Variants in ZMAT4 observed in about 807,000 individuals in gnomAD.
The protein encoded by ZMAT4 is zinc finger matrin-type protein 4.
Under a neutral mutation model 28.7 loss-of-function variants are expected in ZMAT4, and 17 were observed. The ratio of observed to expected loss-of-function variants is 0.59; its 90% CI spans 0.41 to 0.89. The LOEUF (loss-of-function observed/expected upper bound fraction) is 0.89, where lower values mean the gene tolerates loss of function less well. Ranked by LOEUF, ZMAT4 falls within the 40% of genes least tolerant of loss-of-function variation. The pLI, the probability that ZMAT4 is intolerant of heterozygous loss-of-function variation, is 0.00. For synonymous variants in ZMAT4, 117 were observed against 109.2 expected (o/e 1.07, Z -0.44); for missense variants, 240 against 283.8 (o/e 0.85, Z 1.11).
rs144551026 is a variant in ZMAT4 at position 40,891,881 on chromosome 8, C to T, written c.-5+5802G>A. On this transcript the variant is annotated intron_variant, in intron 1 of 6. Transcript: ENST00000297737. ...TCTTCTTTCTTCTCAGGGCTACACACAGAATGGTTTTATTTTGTGGTGCTC... is the reference window on the plus strand; with the variant it reads ...TCTTCTTTCTTCTCAGGGCTACACATAGAATGGTTTTATTTTGTGGTGCTC... Among the ~76,000 whole-genome samples, 9 of 152,338 alleles carry T rather than the reference C, an allele frequency of 5.9e-5. No homozygotes were observed. In the East Asian group the frequency reaches 1.7e-3, roughly 30 times the overall value.
chr8:40,654,373 C>T (rs1435261098), intron 5 of ZMAT4, among the ~76,000 whole-genome samples: 1 of 152,116 alleles, frequency 6.6e-6, no homozygotes, highest in Non-Finnish European at 1.5e-5. Context: ...GCATACAAGC[C>T]TATCAAAGCA....
Position 40,636,501 on chromosome 8 carries a change from A to G in ZMAT4, c.577+38203T>C, listed in dbSNP as rs1053773154. On this transcript the variant is annotated intron_variant, in intron 5 of 6. Transcript: ENST00000297737. ...TTGGTGTTCAGAAGGTCAGCTTCAA[A>G]TGCCTCCACATTTCTACAGCTGCTT... is the stretch of plus-strand genomic sequence containing the variant. Among the ~76,000 whole-genome samples, 4 of 152,324 alleles carry G rather than the reference A, an allele frequency of 2.6e-5. No homozygotes were observed. The East Asian group carries it at 7.7e-4, about 29-fold the overall frequency.
intron 5 of ZMAT4, among the ~76,000 whole-genome samples, chr8:40,630,131 C>T (rs1313635489): frequency 6.6e-6 from 1 of 152,218 alleles, no homozygotes; most frequent in Non-Finnish European, 1.5e-5. Context: ...CAACCCTCAA[C>T]AGTATTTATC....
intron 1 of ZMAT4, among the ~76,000 whole-genome samples, chr8:40,873,236 A>C (rs1030294509): frequency 6.6e-6 from 1 of 152,244 alleles, no homozygotes; most frequent in Non-Finnish European, 1.5e-5. Context: ...TGCACAGAAA[A>C]GATAATGCTA....
At chr8:40,896,001 A>C (rs1818860031) in intron 1 of ZMAT4, among the ~76,000 whole-genome samples, 1 of 152,222 alleles carries the variant, frequency 6.6e-6, no homozygotes, top group East Asian at 1.9e-4. Flanking sequence ...GCAGGGCTGC[A>C]AAATTGTTTT....
intron 2 of ZMAT4, among the ~76,000 whole-genome samples, chr8:40,773,436 G>A (rs1563474608): frequency 6.6e-6 from 1 of 152,010 alleles, no homozygotes; most frequent in African/African-American, 2.4e-5. Context: ...AAGATCCAAG[G>A]CCAATCACAC....
chr8:40,878,950 G>A (rs1818131792), intron 1 of ZMAT4, among the ~76,000 whole-genome samples: 2 of 152,210 alleles, frequency 1.3e-5, no homozygotes, highest in African/African-American at 2.4e-5. Flanking sequence ...AAAGAAGAGA[G>A]GGCAGCTGAT....
intron 5 of ZMAT4, among the ~76,000 whole-genome samples, chr8:40,633,383 A>G (rs1387430017): frequency 6.6e-6 from 1 of 152,194 alleles, no homozygotes; most frequent in Non-Finnish European, 1.5e-5. Context: ...TGGGAAAGTG[A>G]CACATGCGAT....
chr8:40,711,352 G>A (rs1309448117), intron 3 of ZMAT4, among the ~76,000 whole-genome samples: 3 of 152,158 alleles, frequency 2.0e-5, no homozygotes, highest in African/African-American at 7.2e-5. Flanking sequence ...AATGGATCTA[G>A]GCATTGGGCA....
intron 1 of ZMAT4, among the ~76,000 whole-genome samples, chr8:40,872,786 G>A (rs1817908896): frequency 6.6e-6 from 1 of 152,144 alleles, no homozygotes; most frequent in Admixed American, 6.5e-5. Flanking sequence ...ATTGGGGTAG[G>A]GGGTGGAGGG....
At chr8:40,816,978 G>C (rs1447622336) in intron 2 of ZMAT4, among the ~76,000 whole-genome samples, 2 of 152,170 alleles carry the variant, frequency 1.3e-5, no homozygotes, top group Non-Finnish European at 2.9e-5. Context: ...AAACTTCTCA[G>C]TTGAGCATGT....
At position 40,878,175 on chromosome 8, in the gene ZMAT4, T is replaced by A. The variant is rs867466935; in HGVS notation, c.-5+19508A>T. On this transcript the variant is annotated intron_variant, in intron 1 of 6. Transcript: ENST00000297737. ...CCTCCAAGTGGCCAGTGGTCAACCG[T>A]CAATCATGAAAGCCAGTATCATTGA... Among the ~76,000 whole-genome samples the A allele has an allele frequency of 8.5e-5, 13 of 152,180 alleles. No individual in the cohort carries two copies. In the South Asian group the frequency reaches 1.2e-3, roughly 15 times the overall value.
At chr8:40,624,605 G>A (rs1806306582) in intron 5 of ZMAT4, among the ~76,000 whole-genome samples, 2 of 152,176 alleles carry the variant, frequency 1.3e-5, no homozygotes, top group Non-Finnish European at 2.9e-5. Context: ...TTAAATAAAG[G>A]AATATTTTGT....
chr8:40,873,781 CT>C (rs1312466194), intron 1 of ZMAT4, among the ~76,000 whole-genome samples: 2 of 152,162 alleles, frequency 1.3e-5, no homozygotes, highest in African/African-American at 4.8e-5. Context: ...GACATGTGAC[CT>C]TTTGGAGAAC....
chr8:40,605,496 TTCCTTTTGGAATTAA>T (rs1226550707), intron 5 of ZMAT4, among the ~76,000 whole-genome samples: 1 of 152,172 alleles, frequency 6.6e-6, no homozygotes, highest in Non-Finnish European at 1.5e-5. Context: ...GTTTTGAGAG[TTCCTTTTGGAATTAA>T]TTTCCAATTT....
intron 3 of ZMAT4, among the ~76,000 whole-genome samples, chr8:40,750,209 T>C (rs534482702): frequency 1.3e-5 from 2 of 151,586 alleles, no homozygotes; most frequent in Admixed American, 6.6e-5. Flanking sequence ...AAAGAAAAAA[T>C]ATATATATAT....
intron 3 of ZMAT4, among the ~76,000 whole-genome samples, chr8:40,715,116 T>A (rs1810793440): frequency 6.6e-6 from 1 of 150,642 alleles, no homozygotes; most frequent in African/African-American, 2.5e-5. Context: ...GAAGGGACTT[T>A]TGAATAAAGG....
Position 40,785,169 on chromosome 8 carries a change from G to C in ZMAT4, c.103-17439C>G, listed in dbSNP as rs539104383. On this transcript the variant is annotated intron_variant, in intron 2 of 6. Transcript: ENST00000297737. ...ATACTAGACTATGTATATGTAAACA[G>C]ACCCTTCAATGTCTATTGCAAGACT... 2.0e-5 allele frequency among the ~76,000 whole-genome samples: 3 copies of C among 152,260 alleles called. No homozygotes were observed. The South Asian group carries it at 6.2e-4, about 32-fold the overall frequency.
intron 5 of ZMAT4, among the ~76,000 whole-genome samples, chr8:40,585,999 A>G (rs970299268): frequency 6.6e-6 from 1 of 152,204 alleles, no homozygotes; most frequent in African/African-American, 2.4e-5. Flanking sequence ...GTTGCTTTCC[A>G]TAACAGTTCT....
Sources: gnomAD v4.1 joint callset for allele counts (sites outside exome capture counted in the v4.1 genomes callset) on GRCh38, gnomAD v4.1.1 for gene constraint, MANE v1.5 for transcripts, NCBI Gene and HGNC (gene_info 2026-07-23, HGNC 2026-07-21) for gene names.